Variants in WNT9A observed in about 807,000 individuals in gnomAD.
WNT9A encodes protein Wnt-9a.
Under a neutral mutation model 31.4 loss-of-function variants are expected in WNT9A, and 8 were observed. The ratio of observed to expected loss-of-function variants is 0.26; its 90% CI spans 0.15 to 0.46. The LOEUF is 0.46. Among genes scored for constraint, WNT9A ranks in the 20% least tolerant of loss-of-function variants. WNT9A has a pLI of 0.99. For synonymous variants in WNT9A, 236 were observed against 220.1 expected (o/e 1.07, Z -0.64); for missense variants, 457 against 522.9 (o/e 0.87, Z 1.23).
chr1:227,939,196 T>C (rs1666651553), intron 1 of WNT9A, among the ~76,000 whole-genome samples: 1 of 152,198 alleles, frequency 6.6e-6, no homozygotes, highest in Admixed American at 6.5e-5. Context: ...ACGCTGCAGA[T>C]GGGGCCGCAG....
At chr1:227,931,323 T>C (rs1666507276) in intron 1 of WNT9A, among the ~76,000 whole-genome samples, 1 of 152,192 alleles carries the variant, frequency 6.6e-6, no homozygotes, top group African/African-American at 2.4e-5. Flanking sequence ...TGTTTGTGAT[T>C]TTCTTCTCTC....
intron 1 of WNT9A, among the ~76,000 whole-genome samples, chr1:227,938,740 C>T (rs1171332345): frequency 1.3e-5 from 2 of 152,164 alleles, no homozygotes; most frequent in East Asian, 3.9e-4. Flanking sequence ...AGAAAAGCCT[C>T]TGAGTCTTGT....
At chr1:227,931,233 A>T (rs2796055) in intron 1 of WNT9A, among the ~76,000 whole-genome samples, 44,309 of 151,962 alleles carry the variant, frequency 0.29, 7,693 homozygotes, top group Non-Finnish European at 0.41. Context: ...TCCTGGACTC[A>T]ACCTGGCCAG....
chr1:227,947,751 GC>G (rs1177827508), intron 1 of WNT9A, 41 bp downstream of exon 1: 1 of 939,964 alleles, frequency 1.1e-6, no homozygotes, highest in South Asian at 4.8e-5. Flanking sequence ...CGGCCCCGCC[GC>G]CCCCGCCCAC....
At position 227,925,404 on chromosome 1, in the gene WNT9A, T is replaced by C; in HGVS notation, c.211A>G (p.Met71Val). 1.2e-6 allele frequency: 2 copies of C among 1,608,532 alleles called. No homozygotes were observed. Among genetic ancestry groups the C allele is most frequent in the Non-Finnish European group, 1.7e-6 (2 of 1,178,886 alleles). The change falls in exon 2 of 4, where the codon ATG becomes GTG. Residue 71 changes from methionine to valine, a missense_variant. By Grantham distance (21) the Met-to-Val change is conservative. Transcript: ENST00000272164. The surrounding 1 kb of genome is among the most constrained non-coding windows in gnomAD (Gnocchi z 6.0). ...GCCACGCCCGGGTCCCGGCGGCACA[T>C]GCGCCGCTGCTTCCGCTCCAGCTTC... is the stretch of plus-strand genomic sequence containing the variant. ...RLKLERKQRR[M>V]CRRDPGVAET...
intron 1 of WNT9A, among the ~76,000 whole-genome samples, chr1:227,946,539 T>C (rs894480958): frequency 6.6e-6 from 1 of 151,882 alleles, no homozygotes; most frequent in African/African-American, 2.4e-5. Context: ...GTACCCACAG[T>C]TGGAGCCAGG....
At chr1:227,922,313 T>A (rs896298645) in intron 3 of WNT9A, among the ~76,000 whole-genome samples, 6 of 152,152 alleles carry the variant, frequency 3.9e-5, no homozygotes, top group Non-Finnish European at 7.4e-5. Flanking sequence ...GGGGCTGCCC[T>A]CAGCAGGGGC....
At chr1:227,922,120 G>A (rs1433273597) in intron 3 of WNT9A, 120 bp from the exon 4 acceptor site, 43 of 1,431,032 alleles carry the variant, frequency 3.0e-5, no homozygotes, top group African/African-American at 4.3e-5. Context: ...AGGCCCTGCC[G>A]GCGGGCGTCA....
intron 1 of WNT9A, among the ~76,000 whole-genome samples, chr1:227,937,020 C>T (rs915645026): frequency 6.6e-6 from 1 of 152,228 alleles, no homozygotes; most frequent in Admixed American, 6.5e-5. Context: ...TGACATCTTG[C>T]CGCCTCTCTG....
intron 1 of WNT9A, among the ~76,000 whole-genome samples, chr1:227,939,276 C>T (rs961704410): frequency 1.3e-5 from 2 of 152,320 alleles, no homozygotes; most frequent in Non-Finnish European, 2.9e-5. Flanking sequence ...CTCCTTGAGC[C>T]CTGGAAGCTG....
chr1:227,925,337 C>T lies in WNT9A; in HGVS notation c.278G>A (p.Cys93Tyr), dbSNP rs1666399981. ...VEAVSMSALE[C>Y]QFQFRFERWN... ...GCGCTCAAAGCGGAACTGGAACTGG[C>T]ACTCGAGCGCACTCATGCTCACGGC... Residue 93 changes from cysteine to tyrosine, a missense_variant, in exon 2 of 4, where the codon TGC becomes TAC. Transcript: ENST00000272164. This position sits in a 1 kb window ranked among gnomAD's most constrained non-coding sequence, Gnocchi z 6.0. The T allele has an allele frequency of 6.2e-7, 1 of 1,610,302 alleles. No individual in the cohort carries two copies. The highest frequency in any genetic ancestry group is 8.5e-7 in the Non-Finnish European group (1 of 1,179,132).
rs1175294788 is a variant in WNT9A at position 227,924,070 on chromosome 1, C to T, written c.615+68G>A. On this transcript the variant is annotated intron_variant, in intron 3 of 3. Coordinates refer to ENST00000272164, the MANE Select transcript of WNT9A (RefSeq NM_003395.4). ...TGCAGCCCCGCCCCCAGTCCCACGCCCCACCCCCAACCCCCTGACGCTCTT... is the reference window on the plus strand; with the variant it reads ...TGCAGCCCCGCCCCCAGTCCCACGCTCCACCCCCAACCCCCTGACGCTCTT... 3.4e-6 allele frequency: 3 copies of T among 879,306 alleles called. No individual in the cohort carries two copies. The East Asian group carries it at 1.2e-4, about 36-fold the overall frequency. 54.5% of individuals were successfully genotyped at this position (879,306 alleles called of 1,614,324 possible).
rs973610446 is a variant in WNT9A, at chr1:227,926,463, C to CCCTCAA, written c.96-950_96-945dup. Among the ~76,000 whole-genome samples the CCCTCAA allele has an allele frequency of 3.9e-5, 6 of 152,036 alleles. No individual in the cohort carries two copies. Among genetic ancestry groups the CCCTCAA allele is most frequent in the African/African-American group, 1.4e-4 (6 of 41,402 alleles). The stretch of plus-strand genomic sequence containing the variant: ...AGCCCAGCCCATATCGAGTCAAGAG[C>CCCTCAA]CCTCAACCCCAAACCCTGACCCCGA... On this transcript the variant is annotated intron_variant, in intron 1 of 3. Transcript: ENST00000272164. The surrounding 1 kb of genome is among the most constrained non-coding windows in gnomAD (Gnocchi z 5.0).
In WNT9A at chr1:227,924,007, T is replaced by A. The variant is rs958841591; in HGVS notation, c.615+131A>T. ...TGGCGCTGCACGGCCTCCACCCTCC[T>A]ACAGGAGGCCACTCCACTGTGTGCC... On this transcript the variant is annotated intron_variant, in intron 3 of 3. Transcript: ENST00000272164. The A allele has an allele frequency of 1.1e-4, 143 of 1,304,408 alleles. 1 individual carries two copies. The highest frequency in any genetic ancestry group is 3.2e-5 in the Non-Finnish European group (31 of 956,274). The allele number at this position is 1,304,408 out of a possible 1,614,324, so 80.8% of individuals were successfully genotyped here.
In WNT9A at chr1:227,926,393, G is replaced by A. The variant is rs1156456751; in HGVS notation, c.96-874C>T. Among the ~76,000 whole-genome samples the A allele has an allele frequency of 2.0e-5, 3 of 152,028 alleles. No individual in the cohort carries two copies. The highest frequency in any genetic ancestry group is 7.2e-5 in the African/African-American group (3 of 41,388). On this transcript the variant is annotated intron_variant, in intron 1 of 3. Transcript: ENST00000272164. This position sits in a 1 kb window ranked among gnomAD's most constrained non-coding sequence, Gnocchi z 5.0. ...GGCTGCTGGCTCACCTGCTGCTGCT[G>A]CTGGGCTCACTTCACAAGGCTTCCC...
rs761212562 is a variant in WNT9A, at chr1:227,921,722, G to A, written c.894C>T (p.Phe298=). 1 of 1,612,634 alleles carries A rather than the reference G, an allele frequency of 6.2e-7. No homozygotes were observed. The highest frequency in any genetic ancestry group is 1.1e-5 in the South Asian group (1 of 91,080). The change falls in exon 4 of 4, where the codon TTC becomes TTT. Residue 298 remains phenylalanine (F), a synonymous_variant. Coordinates refer to ENST00000272164, the MANE Select transcript of WNT9A (RefSeq NM_003395.4). ...ELVHLDDSPS[F]CLAGRFSPGT... is the part of the protein sequence containing the mutation. ...CCGGGGAGAAGCGGCCAGCCAGGCAGAAGCTAGGCGAGTCATCCAGGTGCA... is the reference window on the plus strand; with the variant it reads ...CCGGGGAGAAGCGGCCAGCCAGGCAAAAGCTAGGCGAGTCATCCAGGTGCA...
rs747076405 is a variant in WNT9A, at chr1:227,925,208, G to A, written c.352+55C>T. 113 of 1,470,922 alleles carry A rather than the reference G, an allele frequency of 7.7e-5. No individual in the cohort carries two copies. Among genetic ancestry groups the A allele is most frequent in the Non-Finnish European group, 1.0e-4 (112 of 1,109,118 alleles). The allele number at this position is 1,470,922 out of a possible 1,614,324, so 91.1% of individuals were successfully genotyped here. On this transcript the variant is annotated intron_variant, in intron 2 of 3. Transcript: ENST00000272164. The surrounding 1 kb of genome is among the most constrained non-coding windows in gnomAD (Gnocchi z 6.0). ...AGGGGCCTCTTGGGATATGGACAAG[G>A]CCTGGGCTGCCACCTGTCTGGGGCC...
Position 227,942,311 on chromosome 1 carries a change from G to A in WNT9A, c.95+5482C>T, listed in dbSNP as rs1294123913. On this transcript the variant is annotated intron_variant, in intron 1 of 3. Transcript: ENST00000272164. This position sits in a 1 kb window ranked among gnomAD's most constrained non-coding sequence, Gnocchi z 5.7. ...GGAGCCAGGACCCCCAAGCAGGTGG[G>A]GCAGGGAGAGGCTGGGGGTTCCAAG... Among the ~76,000 whole-genome samples, 1 of 152,170 alleles carries A rather than the reference G, an allele frequency of 6.6e-6. No homozygotes were observed. The highest frequency in any genetic ancestry group is 1.5e-5 in the Non-Finnish European group (1 of 68,018).
intron 3 of WNT9A, among the ~76,000 whole-genome samples, chr1:227,923,527 C>T (rs1377596107): frequency 1.3e-5 from 2 of 152,314 alleles, no homozygotes; most frequent in South Asian, 2.1e-4. Flanking sequence ...CAGCCAGTGG[C>T]CCCTGGAAGG....
Sources: allele counts gnomAD v4.1 joint callset (sites outside exome capture counted in the v4.1 genomes callset), GRCh38; gene constraint gnomAD v4.1.1; non-coding constraint Gnocchi (gnomAD v3.1); transcripts MANE v1.5; gene names NCBI Gene and HGNC (gene_info 2026-07-23, HGNC 2026-07-21).